The following RNF13 variants were observed in gnomAD, a reference collection of about 807,000 sequenced individuals.
The protein encoded by RNF13 is ring finger protein 13, also known as E3 ubiquitin-protein ligase RNF13.
Under a neutral mutation model 37.7 loss-of-function variants are expected in RNF13, and 19 were observed. The ratio of observed to expected loss-of-function variants is 0.50; its 90% CI spans 0.35 to 0.74. The LOEUF (loss-of-function observed/expected upper bound fraction) is 0.74. Ranked by LOEUF, RNF13 falls within the 30% of genes least tolerant of loss-of-function variation. The pLI, the probability that RNF13 is intolerant of heterozygous loss-of-function variation, is 0.01. For synonymous variants in RNF13, 144 were observed against 157.8 expected, an observed-to-expected ratio of 0.91 and a Z score of 0.65; for missense variants, 375 against 453.0, an observed-to-expected ratio of 0.83 and a Z score of 1.56.
chr3:149,819,701 A>T (rs577427294), intron 1 of RNF13, among the ~76,000 whole-genome samples: 54 of 152,228 alleles, frequency 3.5e-4, no homozygotes, highest in Non-Finnish European at 5.7e-4. Context: ...ATATACAGAG[A>T]CGAGCCAGTT....
At chr3:149,871,849 TA>T (rs1712104863) in intron 3 of RNF13, among the ~76,000 whole-genome samples, 179 bp from the exon 4 acceptor site, 1 of 152,190 alleles carries the variant, frequency 6.6e-6, no homozygotes. Context: ...TTTAGAAAAC[TA>T]AATGCTTGTG....
chr3:149,852,854 A>G (rs1723237030), intron 3 of RNF13, among the ~76,000 whole-genome samples: 1 of 151,756 alleles, frequency 6.6e-6, no homozygotes, highest in Non-Finnish European at 1.5e-5. Flanking sequence ...GATATGTGCT[A>G]TGCGTGTGTT....
intron 1 of RNF13, among the ~76,000 whole-genome samples, chr3:149,834,160 A>G (rs941499003): frequency 6.6e-6 from 1 of 152,086 alleles, no homozygotes; most frequent in African/African-American, 2.4e-5. Context: ...TGATAGACTT[A>G]ATACTGTTAA....
chr3:149,869,442 A>G (rs1711739614), intron 3 of RNF13, among the ~76,000 whole-genome samples: 1 of 151,434 alleles, frequency 6.6e-6, no homozygotes, highest in African/African-American at 2.4e-5. Flanking sequence ...CGTCTCTACT[A>G]AAAAATACAA....
rs200814128 is a variant in RNF13 at position 149,961,361 on chromosome 3, T to A, written c.*257T>A. 91 of 525,472 alleles carry A rather than the reference T, an allele frequency of 1.7e-4. No homozygotes were observed. The highest frequency in any genetic ancestry group is 1.2e-3 in the Middle Eastern group (4 of 3,274). 32.6% of individuals were successfully genotyped at this position (525,472 alleles called of 1,614,324 possible). A position where few individuals can be genotyped will look rare whatever the true frequency, so the allele number is the denominator to read the frequency against. ...TTGGAATGAAAGTATAGCCAAAACA[T>A]AAAAAAAAAAAAATCCTCAGTATAG... On this transcript the variant is annotated 3_prime_UTR_variant, in exon 10 of 10. Transcript: ENST00000392894.
intron 4 of RNF13, 24 bp from the exon 5 acceptor site, chr3:149,895,440 ACATAATTTT>A: frequency 8.4e-7 from 1 of 1,193,398 alleles, no homozygotes; most frequent in Non-Finnish European, 1.2e-6. Flanking sequence ...CTTCCTTATA[ACATAATTTT>A]TTTTTTTTTT....
intron 3 of RNF13, among the ~76,000 whole-genome samples, chr3:149,861,349 A>G (rs1372142622): frequency 6.6e-6 from 1 of 152,172 alleles, no homozygotes; most frequent in East Asian, 1.9e-4. Context: ...TTATGTCACT[A>G]TTCACAATAG....
chr3:149,846,247 A>G, intron 2 of RNF13, 107 bp downstream of exon 2: 2 of 675,392 alleles, frequency 3.0e-6, no homozygotes, highest in South Asian at 3.7e-5. Flanking sequence ...ATTTTTATCT[A>G]AAAACATACC....
chr3:149,834,379 G>A (rs1239383347), intron 1 of RNF13, among the ~76,000 whole-genome samples: 2 of 152,194 alleles, frequency 1.3e-5, no homozygotes, highest in African/African-American at 4.8e-5. Context: ...TGTGGTACTG[G>A]TGTAAAGATA....
intron 1 of RNF13, among the ~76,000 whole-genome samples, chr3:149,819,604 A>T (rs1455478679): frequency 6.6e-6 from 1 of 152,208 alleles, no homozygotes; most frequent in Non-Finnish European, 1.5e-5. Flanking sequence ...GGTGGCATAG[A>T]GAAGCATATA....
chr3:149,930,011 C>T (rs570428801), intron 8 of RNF13, among the ~76,000 whole-genome samples: 27 of 152,204 alleles, frequency 1.8e-4, no homozygotes, highest in Middle Eastern at 3.4e-3. Flanking sequence ...CTGCAACCTC[C>T]GCCTCCCAGG....
chr3:149,901,413 C>T lies in RNF13; in HGVS notation c.410-659C>T, dbSNP rs1052978260. On this transcript the variant is annotated intron_variant, in intron 5 of 9. Coordinates refer to ENST00000392894, the MANE Select transcript of RNF13 (RefSeq NM_183381.3). ...ATTCCTGAGTAATGGGTAATTTTGA[C>T]GAAATTCTTTTTGGGTGGCATTTGA... Among the ~76,000 whole-genome samples, 13 of 152,122 alleles carry T rather than the reference C, an allele frequency of 8.5e-5. No homozygotes were observed. In the South Asian group the frequency reaches 1.7e-3, roughly 19 times the overall value.
At chr3:149,920,823 T>C (rs1182103938) in intron 7 of RNF13, among the ~76,000 whole-genome samples, 1 of 150,054 alleles carries the variant, frequency 6.7e-6, no homozygotes, top group Non-Finnish European at 1.5e-5. Context: ...CATTGGAGTC[T>C]TTATAAAATC....
intron 1 of RNF13, among the ~76,000 whole-genome samples, chr3:149,839,626 T>A (rs755263616): frequency 3.9e-5 from 6 of 152,124 alleles, no homozygotes; most frequent in Admixed American, 6.5e-5. Context: ...GAGAATAGCA[T>A]GGGAAAGACC....
At chr3:149,930,950 T>G (rs1281283018) in intron 8 of RNF13, among the ~76,000 whole-genome samples, 1 of 152,200 alleles carries the variant, frequency 6.6e-6, no homozygotes, top group South Asian at 2.1e-4. Context: ...GTCTTTTGTC[T>G]CTTTTTCTTG....
chr3:149,897,414 TC>T (rs1472603565), intron 5 of RNF13, among the ~76,000 whole-genome samples: 1 of 152,222 alleles, frequency 6.6e-6, no homozygotes, highest in Admixed American at 6.5e-5. Context: ...AATTGTCAGT[TC>T]CCTTTATCAC....
intron 1 of RNF13, among the ~76,000 whole-genome samples, chr3:149,817,879 A>ACCTC (rs1224912438): frequency 6.6e-5 from 10 of 152,040 alleles, no homozygotes; most frequent in Non-Finnish European, 5.9e-5. Flanking sequence ...TATAAGAAAA[A>ACCTC]AAGGAAAACA....
At chr3:149,877,104 C>A (rs183253112) in intron 4 of RNF13, among the ~76,000 whole-genome samples, 1 of 152,176 alleles carries the variant, frequency 6.6e-6, no homozygotes, top group Admixed American at 6.5e-5. Flanking sequence ...ACTATTTAAT[C>A]CCACATCAGT....
At position 149,838,748 on chromosome 3, in the gene RNF13, A is replaced by C. The variant is rs973064898; in HGVS notation, c.-16-7263A>C. Among the ~76,000 whole-genome samples the C allele has an allele frequency of 2.0e-5, 3 of 152,092 alleles. No individual in the cohort carries two copies. The East Asian group carries it at 5.8e-4, about 29-fold the overall frequency. ...ACAACCTCTGACATGCCCTGGAGAC[A>C]TTTTCCCTATTTTCTTGGCAATTAA... is the stretch of plus-strand genomic sequence containing the variant. On this transcript the variant is annotated intron_variant, in intron 1 of 9. Transcript: ENST00000392894.
Sources: gnomAD v4.1 joint callset for allele counts (sites outside exome capture counted in the v4.1 genomes callset) on GRCh38, gnomAD v4.1.1 for gene constraint, MANE v1.5 for transcripts, NCBI Gene and HGNC (gene_info 2026-07-23, HGNC 2026-07-21) for gene names.